Variants in CTNNA2 observed in about 807,000 individuals in gnomAD.
CTNNA2 encodes catenin alpha-2.
A neutral mutation model predicts 101.0 loss-of-function variants in CTNNA2; 42 were observed. The observed-to-expected ratio is 0.42, with a 90% confidence interval of 0.32 to 0.54. The LOEUF (loss-of-function observed/expected upper bound fraction) is 0.54, where lower values mean the gene tolerates loss of function less well. CTNNA2 is among the 20% of genes least tolerant of loss of function. CTNNA2 has a pLI of 0.14. For missense variants in CTNNA2, 871 were observed against 1,223.1 expected, an observed-to-expected ratio of 0.71 and a Z score of 4.29; for synonymous variants, 450 against 456.4, an observed-to-expected ratio of 0.99 and a Z score of 0.18.
At chr2:80,478,817 G>T (rs1291385397) in intron 9 of CTNNA2, among the ~76,000 whole-genome samples, 1 of 152,008 alleles carries the variant, frequency 6.6e-6, no homozygotes, top group African/African-American at 2.4e-5. Flanking sequence ...ATACTGTGAT[G>T]CTTCCAGATT....
At chr2:80,219,988 A>C (rs140529894) in intron 7 of CTNNA2, among the ~76,000 whole-genome samples, 6 of 152,314 alleles carry the variant, frequency 3.9e-5, no homozygotes, top group Admixed American at 1.3e-4. Context: ...AACAAACAAA[A>C]AAAACACAAA....
At chr2:80,398,353 C>A (rs190162742) in intron 8 of CTNNA2, among the ~76,000 whole-genome samples, 2 of 152,226 alleles carry the variant, frequency 1.3e-5, no homozygotes, top group Admixed American at 1.3e-4. Flanking sequence ...TACATGGCAA[C>A]AAAATATATT....
At chr2:80,579,023 G>A (rs1396378595) in intron 13 of CTNNA2, 1 of 152,028 alleles carries the variant, frequency 6.6e-6, no homozygotes, top group East Asian at 1.9e-4. Context: ...AGTCCTGTGG[G>A]GCAGAAAGTG....
chr2:80,536,668 T>A (rs1691053447), intron 9 of CTNNA2, among the ~76,000 whole-genome samples: 1 of 152,234 alleles, frequency 6.6e-6, no homozygotes, highest in Non-Finnish European at 1.5e-5. Context: ...ACGTTGGAGT[T>A]AAATGCCTAA....
intron 4 of CTNNA2, among the ~76,000 whole-genome samples, chr2:79,464,717 C>A (rs1418120093): frequency 6.6e-6 from 1 of 152,140 alleles, no homozygotes; most frequent in Non-Finnish European, 1.5e-5. Flanking sequence ...TTTTGATTTG[C>A]ATTTCTTTGA....
At chr2:79,974,095 AT>A (rs549061365) in intron 7 of CTNNA2, among the ~76,000 whole-genome samples, 2 of 151,638 alleles carry the variant, frequency 1.3e-5, no homozygotes, top group Admixed American at 1.3e-4. Context: ...TCTTTTTGTC[AT>A]TTTTTTTAAA....
intron 2 of CTNNA2, among the ~76,000 whole-genome samples, chr2:79,734,336 C>T (rs576089628): frequency 6.6e-6 from 1 of 152,036 alleles, no homozygotes; most frequent in Non-Finnish European, 1.5e-5. Flanking sequence ...TCCTTTAAAC[C>T]AGTTTGTTTC....
intron 2 of CTNNA2, among the ~76,000 whole-genome samples, chr2:79,679,463 T>A (rs908654959): frequency 6.6e-6 from 1 of 152,020 alleles, no homozygotes; most frequent in Admixed American, 6.6e-5. Flanking sequence ...GGCTCACACC[T>A]TTCACCATGG....
At chr2:79,944,594 G>A (rs987135728) in intron 7 of CTNNA2, among the ~76,000 whole-genome samples, 1 of 152,156 alleles carries the variant, frequency 6.6e-6, no homozygotes, top group Non-Finnish European at 1.5e-5. Context: ...TGTGGAGCGG[G>A]GTGGGGGTAG....
chr2:79,238,273 C>T (rs1000979607), intron 2 of CTNNA2, among the ~76,000 whole-genome samples: 7 of 152,164 alleles, frequency 4.6e-5, no homozygotes, highest in Admixed American at 2.0e-4. Context: ...GCAGTCGGAA[C>T]ACACACAACA....
chr2:79,427,283 G>A lies in CTNNA2; in HGVS notation c.-135+53270G>A, dbSNP rs62156961. ...CAGGAATGTAGAATTCCTGCACCTCGTTCTGGTAGTATCATCCTATCAGAA... is the reference window on the plus strand; with the variant it reads ...CAGGAATGTAGAATTCCTGCACCTCATTCTGGTAGTATCATCCTATCAGAA... On this transcript the variant is annotated intron_variant, in intron 4 of 21. Transcript: ENST00000466387. 7.0e-3 allele frequency among the ~76,000 whole-genome samples: 1,065 copies of A among 152,004 alleles called. 7 individuals are homozygous for A. The highest frequency in any genetic ancestry group is 0.012 in the Non-Finnish European group (793 of 67,936).
At chr2:79,384,345 T>C (rs1002392223) in intron 4 of CTNNA2, among the ~76,000 whole-genome samples, 1 of 151,386 alleles carries the variant, frequency 6.6e-6, no homozygotes. Context: ...GCATTACATA[T>C]ACTTTCCCTG....
intron 7 of CTNNA2, among the ~76,000 whole-genome samples, chr2:80,257,835 A>C (rs936558335): frequency 9.2e-5 from 14 of 152,250 alleles, no homozygotes; most frequent in African/African-American, 3.1e-4. Context: ...AGGGAAGTCT[A>C]CACCCGGGCA....
chr2:79,343,752 T>G (rs1023045296), intron 3 of CTNNA2, among the ~76,000 whole-genome samples: 186 of 126,412 alleles, frequency 1.5e-3, no homozygotes, highest in African/African-American at 5.1e-3. Context: ...ATTATTATTA[T>G]TATTATTTGC....
rs967061795 is a variant in CTNNA2 at position 79,861,597 on chromosome 2, A to T, written c.465+3418A>T. Among the ~76,000 whole-genome samples, 3 of 152,204 alleles carry T rather than the reference A, an allele frequency of 2.0e-5. 1 individual carries two copies. Among genetic ancestry groups the T allele is most frequent in the African/African-American group, 7.2e-5 (3 of 41,454 alleles). On this transcript the variant is annotated intron_variant, in intron 4 of 18. Coordinates refer to ENST00000402739, the MANE Select transcript of CTNNA2 (RefSeq NM_001282597.3). ...GCAACTGAGAAGTTCTTCTCAGATA[A>T]CACATAGGTATCTTAGTTGCTCAAG...
intron 3 of CTNNA2, among the ~76,000 whole-genome samples, chr2:79,789,688 C>T (rs765506256): frequency 2.0e-5 from 3 of 151,818 alleles, no homozygotes; most frequent in Non-Finnish European, 2.9e-5. Flanking sequence ...CACATTTTTA[C>T]GGTAGAGTTG....
chr2:79,351,675 A>G (rs1677391011), intron 3 of CTNNA2, among the ~76,000 whole-genome samples: 1 of 152,060 alleles, frequency 6.6e-6, no homozygotes, highest in Non-Finnish European at 1.5e-5. Context: ...TATTCTTGAG[A>G]ACAGGTGGTA....
At chr2:80,090,875 T>C (rs1402185124) in intron 7 of CTNNA2, among the ~76,000 whole-genome samples, 2 of 152,254 alleles carry the variant, frequency 1.3e-5, no homozygotes, top group Non-Finnish European at 2.9e-5. Context: ...AAGATGCTCT[T>C]TCTCATTTTT....
At chr2:79,288,960 G>C (rs72917220) in intron 2 of CTNNA2, among the ~76,000 whole-genome samples, 5,490 of 152,236 alleles carry the variant, frequency 0.036, 360 homozygotes, top group African/African-American at 0.13. Flanking sequence ...TCACTTATTT[G>C]ATAGTCACTT....
Sources: allele counts gnomAD v4.1 joint callset (sites outside exome capture counted in the v4.1 genomes callset), GRCh38; gene constraint gnomAD v4.1.1; transcripts MANE v1.5; gene names NCBI Gene and HGNC (gene_info 2026-07-23, HGNC 2026-07-21).